Variants in LRRK1 observed in about 807,000 individuals in gnomAD.
LRRK1 encodes the protein leucine rich repeat kinase 1.
Under a neutral mutation model 209.1 loss-of-function variants are expected in LRRK1, and 113 were observed. The observed-to-expected ratio is 0.54, with a 90% CI of 0.46 to 0.63. The LOEUF is 0.63. LRRK1 is among the 30% of genes least tolerant of loss of function. LRRK1 has a pLI of 0.00. For missense variants in LRRK1, 2,284 were observed against 2,632.2 expected (o/e 0.87, Z 2.89); for synonymous variants, 1,144 against 1,099.7 (o/e 1.04, Z -0.80).
At chr15:100,928,717 C>T (rs1017967103) in intron 2 of LRRK1, among the ~76,000 whole-genome samples, 6 of 152,112 alleles carry the variant, frequency 3.9e-5, no homozygotes, top group East Asian at 1.9e-4. Flanking sequence ...GTACTAGGCA[C>T]GCCTTTTCAC....
intron 6 of LRRK1, among the ~76,000 whole-genome samples, chr15:100,994,150 G>T (rs1174984300): frequency 6.6e-6 from 1 of 152,150 alleles, no homozygotes; most frequent in African/African-American, 2.4e-5. Flanking sequence ...AGAACTGCAG[G>T]GAATAGCATC....
At chr15:101,042,702 C>T (rs994373707) in intron 20 of LRRK1, among the ~76,000 whole-genome samples, 1 of 152,194 alleles carries the variant, frequency 6.6e-6, no homozygotes, top group Non-Finnish European at 1.5e-5. Flanking sequence ...GGAGTGAGGC[C>T]CCCTATCCTT....
intron 31 of LRRK1, among the ~76,000 whole-genome samples, chr15:101,063,211 T>C (rs2036295739): frequency 6.6e-6 from 1 of 152,164 alleles, no homozygotes; most frequent in Admixed American, 6.5e-5. Flanking sequence ...CTGGCCTTTC[T>C]AAATGAGACC....
intron 2 of LRRK1, among the ~76,000 whole-genome samples, chr15:100,941,944 C>A (rs1567191652): frequency 6.6e-6 from 1 of 152,198 alleles, no homozygotes; most frequent in Non-Finnish European, 1.5e-5. Context: ...CTCTTGCTTC[C>A]CATGTCCCCC....
intron 7 of LRRK1, among the ~76,000 whole-genome samples, chr15:101,009,679 C>T (rs1160466291): frequency 1.3e-5 from 2 of 152,108 alleles, no homozygotes; most frequent in Admixed American, 6.5e-5. Flanking sequence ...CCTGCAACTC[C>T]CTGGTTCAAG....
At chr15:101,002,068 G>A (rs1288989626) in intron 6 of LRRK1, among the ~76,000 whole-genome samples, 2 of 152,182 alleles carry the variant, frequency 1.3e-5, no homozygotes, top group Non-Finnish European at 2.9e-5. Flanking sequence ...TTCAAACCAG[G>A]CTAAAAGCTT....
intron 12 of LRRK1, among the ~76,000 whole-genome samples, chr15:101,016,521 G>T (rs1331651071): frequency 6.6e-6 from 1 of 152,006 alleles, no homozygotes; most frequent in Non-Finnish European, 1.5e-5. Flanking sequence ...CATCATAAGG[G>T]CCCCACCCTC....
At chr15:100,951,964 A>ATAATAATAATAATAATAAT (rs1555460103) in intron 2 of LRRK1, among the ~76,000 whole-genome samples, 1 of 146,538 alleles carries the variant, frequency 6.8e-6, no homozygotes, top group African/African-American at 2.5e-5. Context: ...AGAAAAAAAA[A>ATAATAATAATAATAATAAT]AATAATAATA....
chr15:101,062,232 G>T, intron 30 of LRRK1: 1 of 232,888 alleles, frequency 4.3e-6, no homozygotes, highest in Non-Finnish European at 8.4e-6. Flanking sequence ...AGAACAGTGA[G>T]AAGACAGCAT....
intron 28 of LRRK1, 61 bp downstream of exon 28, chr15:101,057,111 C>T: frequency 6.9e-7 from 1 of 1,448,254 alleles, no homozygotes; most frequent in Non-Finnish European, 9.3e-7. Flanking sequence ...AGCTGTGGGT[C>T]CCCAGGGGGT....
At chr15:100,940,925 T>C (rs538430247) in intron 2 of LRRK1, among the ~76,000 whole-genome samples, 1 of 152,382 alleles carries the variant, frequency 6.6e-6, no homozygotes, top group Non-Finnish European at 1.5e-5. Context: ...GTGCAGGCCC[T>C]CTGACCTGGC....
At chr15:101,063,320 C>T (rs536723729) in intron 31 of LRRK1, among the ~76,000 whole-genome samples, 41 of 152,318 alleles carry the variant, frequency 2.7e-4, no homozygotes, top group Non-Finnish European at 5.0e-4. Flanking sequence ...CTGCTGGGCC[C>T]GGCACCCTCC....
intron 1 of LRRK1, among the ~76,000 whole-genome samples, chr15:100,923,272 A>G (rs1041402414): frequency 6.6e-6 from 1 of 152,218 alleles, no homozygotes; most frequent in Non-Finnish European, 1.5e-5. Context: ...TGAGACACAC[A>G]TACCTTTCAG....
chr15:100,978,876 C>CT (rs2031446507), intron 3 of LRRK1, among the ~76,000 whole-genome samples: 1 of 20,518 alleles, frequency 4.9e-5, no homozygotes, highest in South Asian at 1.3e-3. Context: ...GAAAAGGGAA[C>CT]ATTTTTTAAC....
intron 20 of LRRK1, 81 bp from the exon 21 acceptor site, chr15:101,045,900 G>C: frequency 8.0e-7 from 1 of 1,248,874 alleles, no homozygotes; most frequent in Non-Finnish European, 1.2e-6. Context: ...CCTGTCCCCA[G>C]ATCAGGCCAT....
At chr15:100,976,809 C>T (rs1329061034) in intron 3 of LRRK1, among the ~76,000 whole-genome samples, 1 of 152,186 alleles carries the variant, frequency 6.6e-6, no homozygotes, top group East Asian at 1.9e-4. Flanking sequence ...AAGGCTGCTA[C>T]AGAAATCTCA....
At chr15:101,045,936 G>A (rs376113355) in intron 20 of LRRK1, 45 bp from the exon 21 acceptor site, 8 of 1,563,422 alleles carry the variant, frequency 5.1e-6, no homozygotes, top group Non-Finnish European at 7.0e-6. Context: ...CCCTGCAGTG[G>A]AGCTTGGGCC....
chr15:100,923,159 G>A (rs1028854356), intron 1 of LRRK1, among the ~76,000 whole-genome samples: 7 of 152,164 alleles, frequency 4.6e-5, no homozygotes, highest in East Asian at 3.8e-4. Context: ...CAGCCCTGTC[G>A]TAGAGAGAGG....
intron 2 of LRRK1, among the ~76,000 whole-genome samples, chr15:100,964,244 A>C (rs1030256254): frequency 3.3e-5 from 5 of 151,426 alleles, no homozygotes; most frequent in African/African-American, 1.2e-4. Flanking sequence ...GGGCTGGGTG[A>C]CCCTCCCTCC....
Sources: gnomAD v4.1 joint callset for allele counts (sites outside exome capture counted in the v4.1 genomes callset) on GRCh38, gnomAD v4.1.1 for gene constraint, MANE v1.5 for transcripts, NCBI Gene and HGNC (gene_info 2026-07-23, HGNC 2026-07-21) for gene names.